The following LRP6 variants were observed in gnomAD, a reference collection of about 807,000 sequenced individuals.
LRP6 encodes the protein LDL receptor related protein 6, also known as low-density lipoprotein receptor-related protein 6.
Under a neutral mutation model 184.1 loss-of-function variants are expected in LRP6, and 43 were observed. The ratio of observed to expected loss-of-function variants is 0.23; its 90% CI spans 0.18 to 0.30. LRP6 has a LOEUF of 0.30. LRP6 is among the 10% of genes least tolerant of loss of function. The pLI is 1.00. For synonymous variants in LRP6, 719 were observed against 684.9 expected (o/e 1.05, Z -0.78); for missense variants, 1,571 against 2,005.3 (o/e 0.78, Z 4.14).
At chr12:12,176,960 G>A (rs945563793) in intron 7 of LRP6, among the ~76,000 whole-genome samples, 1 of 149,700 alleles carries the variant, frequency 6.7e-6, no homozygotes, top group Non-Finnish European at 1.5e-5. Context: ...TGATTCTCCT[G>A]CCTCAGCCTC....
chr12:12,225,885 A>AAAG (rs1555120547), intron 2 of LRP6, among the ~76,000 whole-genome samples: 1 of 151,870 alleles, frequency 6.6e-6, no homozygotes, highest in African/African-American at 2.4e-5. Flanking sequence ...AAAAAAAAAA[A>AAAG]AGAGAGAGAC....
chr12:12,253,818 G>C (rs1177905231), intron 1 of LRP6, among the ~76,000 whole-genome samples: 1 of 152,046 alleles, frequency 6.6e-6, no homozygotes, highest in African/African-American at 2.4e-5. Context: ...TTGCAAATCA[G>C]CTACAGGCCA....
At chr12:12,139,131 C>T (rs746655344) in intron 15 of LRP6, among the ~76,000 whole-genome samples, 4 of 152,168 alleles carry the variant, frequency 2.6e-5, no homozygotes, top group Non-Finnish European at 5.9e-5. Flanking sequence ...GTTTCTCCCT[C>T]ACTCAAAAAG....
At chr12:12,228,471 T>C (rs1789437095) in intron 2 of LRP6, among the ~76,000 whole-genome samples, 1 of 152,222 alleles carries the variant, frequency 6.6e-6, no homozygotes, top group Admixed American at 6.5e-5. Context: ...AATGAGTCTT[T>C]AGTCTCAGGA....
At chr12:12,144,050 C>T (rs1949969624) in intron 15 of LRP6, among the ~76,000 whole-genome samples, 1 of 152,144 alleles carries the variant, frequency 6.6e-6, no homozygotes, top group Admixed American at 6.5e-5. Context: ...AACTGTACTA[C>T]ATTAAAATTA....
chr12:12,172,841 T>C (rs1375358996), intron 7 of LRP6, among the ~76,000 whole-genome samples: 5 of 152,162 alleles, frequency 3.3e-5, no homozygotes, highest in African/African-American at 1.2e-4. Context: ...TTGGACCCAG[T>C]AGGTGAAGTA....
At chr12:12,255,228 A>G (rs372887235) in intron 1 of LRP6, among the ~76,000 whole-genome samples, 13 of 152,062 alleles carry the variant, frequency 8.5e-5, no homozygotes, top group East Asian at 5.8e-4. Flanking sequence ...ACAAATTCCT[A>G]AACTTTGGCT....
chr12:12,136,972 G>A (rs1382161522), intron 16 of LRP6, among the ~76,000 whole-genome samples: 4 of 152,046 alleles, frequency 2.6e-5, no homozygotes, highest in Non-Finnish European at 5.9e-5. Flanking sequence ...AATAACTTAG[G>A]TATGATATCA....
At position 12,155,261 on chromosome 12, in the gene LRP6, A is replaced by C; in HGVS notation, c.2791+3568T>G. The C allele has an allele frequency of 4.0e-6, 3 of 742,872 alleles. No homozygotes were observed. The South Asian group carries it at 4.1e-5, about 10-fold the overall frequency. The allele number at this position is 742,872 out of a possible 1,614,324, so 46.0% of individuals were successfully genotyped here. A position where few individuals can be genotyped will look rare whatever the true frequency, so the allele number is the denominator to read the frequency against. On this transcript the variant is annotated intron_variant, in intron 12 of 22. Transcript: ENST00000261349. The stretch of plus-strand genomic sequence containing the variant: ...CTGCCATCTTCCAGTAATTTGCCAA[A>C]ATGATGAACACAAAGGGAAAGAGGA...
intron 15 of LRP6, among the ~76,000 whole-genome samples, chr12:12,145,883 C>G (rs370103294): frequency 6.6e-6 from 1 of 152,010 alleles, no homozygotes; most frequent in Non-Finnish European, 1.5e-5. Flanking sequence ...CCACCCTCTT[C>G]GGCCTCTCAA....
At chr12:12,149,177 G>A in intron 13 of LRP6, 24 bp from the exon 14 acceptor site, 2 of 1,598,140 alleles carry the variant, frequency 1.3e-6, no homozygotes, top group Non-Finnish European at 1.7e-6. Context: ...GAAATACAGA[G>A]AAAATTAAAC....
At position 12,175,696 on chromosome 12, in the gene LRP6, AAAAATAAAATAAAAT is replaced by A. The variant is rs71435896; in HGVS notation, c.1545+4099_1545+4113del. Among the ~76,000 whole-genome samples, 1,162 of 142,386 alleles carry A rather than the reference AAAAATAAAATAAAAT, an allele frequency of 8.2e-3. 9 individuals carry two copies. The highest frequency in any genetic ancestry group is 0.028 in the African/African-American group (1,096 of 39,072). The allele number at this position is 142,386 out of a possible 152,430, so 93.4% of individuals were successfully genotyped here. On this transcript the variant is annotated intron_variant, in intron 7 of 22. Transcript: ENST00000261349. ...ACAGAGCGAGACTCCGTCTCAAATAAAAAATAAAATAAAATAAAATAAAATAAAATAAAATAAATA... is the reference window on the plus strand; with the variant it reads ...ACAGAGCGAGACTCCGTCTCAAATAAAAAATAAAATAAAATAAAATAAATA...
chr12:12,152,422 G>T (rs1266193925), intron 12 of LRP6, among the ~76,000 whole-genome samples: 1 of 152,122 alleles, frequency 6.6e-6, no homozygotes, highest in Non-Finnish European at 1.5e-5. Context: ...AAGTAGCTGG[G>T]ATTACAGGTG....
At chr12:12,241,408 A>T (rs1865062401) in intron 2 of LRP6, among the ~76,000 whole-genome samples, 1 of 152,354 alleles carries the variant, frequency 6.6e-6, no homozygotes, top group South Asian at 2.1e-4. Flanking sequence ...TAAGATCATT[A>T]ACACTGAAAG....
rs144571964 is a variant in LRP6 at position 12,170,450 on chromosome 12, GT to G, written c.1546-5156del. On this transcript the variant is annotated intron_variant, in intron 7 of 22. Transcript: ENST00000261349. ...TAAAATTTTATTAATGACATTTATG[GT>G]TTTTTTTTTAATACTAGGTCTCTTA... is the stretch of plus-strand genomic sequence containing the variant. 6.1e-3 allele frequency among the ~76,000 whole-genome samples: 897 copies of G among 148,106 alleles called. 8 individuals carry two copies. Among genetic ancestry groups the G allele is most frequent in the African/African-American group, 0.02 (826 of 40,512 alleles).
At chr12:12,227,149 A>T (rs1450400210) in intron 2 of LRP6, among the ~76,000 whole-genome samples, 1 of 152,196 alleles carries the variant, frequency 6.6e-6, no homozygotes, top group African/African-American at 2.4e-5. Context: ...ATTCAAGAGA[A>T]AGGAAAAACA....
intron 2 of LRP6, among the ~76,000 whole-genome samples, chr12:12,208,516 C>T (rs997325291): frequency 6.6e-6 from 1 of 152,186 alleles, no homozygotes; most frequent in African/African-American, 2.4e-5. Flanking sequence ...GTTATTCCCT[C>T]TTCTGAGCTC....
chr12:12,146,568 T>C (rs1165362178), intron 15 of LRP6, among the ~76,000 whole-genome samples: 6 of 152,336 alleles, frequency 3.9e-5, no homozygotes, highest in East Asian at 1.9e-4. Context: ...AATAATTTAA[T>C]TTGGTTAAAA....
intron 1 of LRP6, among the ~76,000 whole-genome samples, chr12:12,246,684 A>G (rs993232231): frequency 1.8e-4 from 28 of 151,828 alleles, no homozygotes; most frequent in Admixed American, 1.6e-3. Context: ...AAAAAAAAAA[A>G]AGAGTGAGTT....
Sources: gnomAD v4.1 joint callset for allele counts (sites outside exome capture counted in the v4.1 genomes callset) on GRCh38, gnomAD v4.1.1 for gene constraint, MANE v1.5 for transcripts, NCBI Gene and HGNC (gene_info 2026-07-23, HGNC 2026-07-21) for gene names.